The following ASAH2 variants were observed in gnomAD, a reference collection of about 807,000 sequenced individuals.
ASAH2 encodes the protein neutral ceramidase.
In ASAH2, 58 loss-of-function variants were observed where a neutral mutation model predicts 82.9. The observed-to-expected ratio is 0.70, with a 90% CI of 0.57 to 0.87. The LOEUF is 0.87. ASAH2 is among the 40% of genes least tolerant of loss of function. ASAH2 has a pLI of 0.00. For synonymous variants in ASAH2, 276 were observed against 289.7 expected (o/e 0.95, Z 0.48); for missense variants, 779 against 834.0 (o/e 0.93, Z 0.81).
At chr10:50,213,405 C>T (rs1845515270) in intron 9 of ASAH2, among the ~76,000 whole-genome samples, 1 of 152,074 alleles carries the variant, frequency 6.6e-6, no homozygotes, top group South Asian at 2.1e-4. Flanking sequence ...TTGTTCTTGC[C>T]TCTGATTCTT....
intron 12 of ASAH2, among the ~76,000 whole-genome samples, chr10:50,207,608 T>C (rs1282418915): frequency 2.7e-5 from 4 of 146,846 alleles, no homozygotes; most frequent in Non-Finnish European, 4.5e-5. Flanking sequence ...ACTACCAAAA[T>C]TGACTCAAGA....
intron 4 of ASAH2, among the ~76,000 whole-genome samples, chr10:50,240,342 A>G (rs1265469455): frequency 6.6e-6 from 1 of 152,184 alleles, no homozygotes; most frequent in Non-Finnish European, 1.5e-5. Context: ...CTCTGTTTGA[A>G]ATACCTAGTA....
rs1845556934 is a variant in ASAH2, at chr10:50,214,992, G to A, written c.1015-124C>T. ...CAAAATCATTTGCAGGCAATAAAAA[G>A]AGGATATAAAATATTCTGTAGGTTG... On this transcript the variant is annotated intron_variant, in intron 8 of 20. Coordinates refer to ENST00000682911, the MANE Select transcript of ASAH2 (RefSeq NM_019893.4). 1.3e-5 allele frequency: 16 copies of A among 1,249,152 alleles called. No homozygotes were observed. The South Asian group carries it at 2.4e-4, about 18-fold the overall frequency. 77.4% of individuals were successfully genotyped at this position (1,249,152 alleles called of 1,614,324 possible).
intron 17 of ASAH2, among the ~76,000 whole-genome samples, chr10:50,197,690 C>A (rs1845022254): frequency 6.6e-6 from 1 of 151,714 alleles, no homozygotes; most frequent in Non-Finnish European, 1.5e-5. Context: ...TTTTCAAGAT[C>A]ACATAGCTAG....
intron 10 of ASAH2, 56 bp downstream of exon 10, chr10:50,212,916 T>C (rs1645389619): frequency 2.0e-6 from 3 of 1,506,660 alleles, no homozygotes; most frequent in South Asian, 1.1e-5. Context: ...ACCAAGTCAA[T>C]GGATTTTAAA....
chr10:50,248,968 A>T (rs1846545171), intron 1 of ASAH2, among the ~76,000 whole-genome samples: 1 of 152,202 alleles, frequency 6.6e-6, no homozygotes, highest in African/African-American at 2.4e-5. Flanking sequence ...GCTTTCATTT[A>T]TGGCGATGAT....
At chr10:50,210,579 A>G (rs1845426048) in intron 12 of ASAH2, among the ~76,000 whole-genome samples, 1 of 152,152 alleles carries the variant, frequency 6.6e-6, no homozygotes, top group Non-Finnish European at 1.5e-5. Context: ...AAAAAATGCC[A>G]CATATTATAT....
intron 8 of ASAH2, among the ~76,000 whole-genome samples, chr10:50,215,294 A>G (rs1173638834): frequency 6.7e-6 from 1 of 149,366 alleles, no homozygotes; most frequent in African/African-American, 2.5e-5. Flanking sequence ...ATGGCTAGCC[A>G]GTTTCCCCAA....
chr10:50,233,327 C>T, intron 6 of ASAH2, 66 bp from the exon 7 acceptor site: 2 of 1,209,646 alleles, frequency 1.7e-6, no homozygotes, highest in Non-Finnish European at 2.5e-6. Context: ...GTAAGATGAA[C>T]AGTAGCAGCT....
At chr10:50,212,907 C>A in intron 10 of ASAH2, 65 bp downstream of exon 10, 2 of 1,456,756 alleles carry the variant, frequency 1.4e-6, no homozygotes, top group Non-Finnish European at 1.9e-6. Flanking sequence ...TCCTAATGAA[C>A]CAAGTCAATG....
At chr10:50,226,079 C>T (rs1236958059) in intron 7 of ASAH2, among the ~76,000 whole-genome samples, 7 of 150,578 alleles carry the variant, frequency 4.6e-5, no homozygotes, top group Admixed American at 4.6e-4. Context: ...GGCAACAGAG[C>T]AAGACTCCAT....
At chr10:50,224,837 T>C (rs938641188) in intron 7 of ASAH2, among the ~76,000 whole-genome samples, 1 of 152,162 alleles carries the variant, frequency 6.6e-6, no homozygotes, top group Admixed American at 6.5e-5. Context: ...CATTGTCTTA[T>C]ACTGGAAGGA....
intron 18 of ASAH2, among the ~76,000 whole-genome samples, chr10:50,196,117 A>T (rs1844973365): frequency 2.0e-5 from 3 of 151,856 alleles, no homozygotes; most frequent in Non-Finnish European, 4.4e-5. Flanking sequence ...GCCATTCCCC[A>T]TGTATACATA....
rs145180298 is a variant in ASAH2 at position 50,250,533 on chromosome 10, A to G, written c.-37+862T>C. Among the ~76,000 whole-genome samples the G allele has an allele frequency of 3.2e-3, 486 of 152,256 alleles. 5 individuals are homozygous for G. The highest frequency in any genetic ancestry group is 0.014 in the Admixed American group (212 of 15,302). On this transcript the variant is annotated intron_variant, in intron 1 of 20. Coordinates refer to ENST00000682911, the MANE Select transcript of ASAH2 (RefSeq NM_019893.4). ...GAAACACATCTAAGACATGCCTCTG[A>G]ACTCTAAGGATCTACAGATAATTAC...
Position 50,233,191 on chromosome 10 carries a change from G to C in ASAH2, c.886C>G (p.Leu296Val). Residue 296 changes from leucine to valine, a missense_variant, in exon 7 of 21, where the codon CTT becomes GTT. Coordinates refer to ENST00000682911, the MANE Select transcript of ASAH2 (RefSeq NM_019893.4). ...MVDLNGDDLG[L>V]ISWFAIHPVS... ...AAAAAGGAAATACAGTACCTGATAAGGCCCAAGTCATCTCCATTCAAATCT... is the reference window on the plus strand; with the variant it reads ...AAAAAGGAAATACAGTACCTGATAACGCCCAAGTCATCTCCATTCAAATCT... The C allele has an allele frequency of 6.2e-7, 1 of 1,608,670 alleles. No homozygotes were observed. Among genetic ancestry groups the C allele is most frequent in the Non-Finnish European group, 8.5e-7 (1 of 1,175,338 alleles).
At position 50,202,946 on chromosome 10, in the gene ASAH2, C is replaced by T. The variant is rs1845194513; in HGVS notation, c.1666-22G>A. Reference sequence around the variant, plus strand: ...ATTCCTAGGAGAGAAAGGTAAAACCCAATAAAATTACTCTTCATCTTTACG... The same window carrying T: ...ATTCCTAGGAGAGAAAGGTAAAACCTAATAAAATTACTCTTCATCTTTACG... On this transcript the variant is annotated intron_variant, in intron 15 of 20. Coordinates refer to ENST00000682911, the MANE Select transcript of ASAH2 (RefSeq NM_019893.4). 3.5e-6 allele frequency: 5 copies of T among 1,445,292 alleles called. No individual in the cohort carries two copies. The African/African-American group carries it at 4.2e-5, about 12-fold the overall frequency. 89.5% of individuals were successfully genotyped at this position (1,445,292 alleles called of 1,614,324 possible).
At chr10:50,218,843 A>G (rs998892798) in intron 7 of ASAH2, among the ~76,000 whole-genome samples, 65 of 152,374 alleles carry the variant, frequency 4.3e-4, no homozygotes, top group Middle Eastern at 6.8e-3. Flanking sequence ...TTAAAAATAC[A>G]AAACTCCATT....
rs1845666979 is a variant in ASAH2, at chr10:50,218,516, A to G, written c.1008T>C (p.Pro336=). The G allele has an allele frequency of 4.3e-6, 7 of 1,613,664 alleles. No individual in the cohort carries two copies. In the Admixed American group the frequency reaches 6.7e-5, roughly 15 times the overall value. The change falls in exon 8 of 21, where the codon CCT becomes CCC. Residue 336 remains proline (P), a synonymous_variant. Transcript: ENST00000682911. ...LEQEKNKGYL[P]GQGPFVAAFA... ...CAATGATATAAATTCTCACCTGTCCAGGTAGATATCCTTTGTTCTTCTCTT... is the reference window on the plus strand; with the variant it reads ...CAATGATATAAATTCTCACCTGTCCGGGTAGATATCCTTTGTTCTTCTCTT...
chr10:50,240,817 A>G (rs1846275034), intron 4 of ASAH2, among the ~76,000 whole-genome samples: 2 of 152,192 alleles, frequency 1.3e-5, no homozygotes, highest in African/African-American at 4.8e-5. Context: ...CCTAATTTGC[A>G]TTCCTGAATC....
Sources: gnomAD v4.1 joint callset for allele counts (sites outside exome capture counted in the v4.1 genomes callset) on GRCh38, gnomAD v4.1.1 for gene constraint, MANE v1.5 for transcripts, NCBI Gene and HGNC (gene_info 2026-07-23, HGNC 2026-07-21) for gene names.